FMNL2: variants seen among roughly 807,000 people sequenced by gnomAD.
The protein encoded by FMNL2 is formin-like protein 2.
A neutral mutation model predicts 130.2 loss-of-function variants in FMNL2; 51 were observed. The ratio of observed to expected loss-of-function variants is 0.39; its 90% CI spans 0.31 to 0.49. The LOEUF (loss-of-function observed/expected upper bound fraction) is 0.49, where lower values mean the gene tolerates loss of function less well. FMNL2 is among the 20% of genes least tolerant of loss of function. The pLI is 0.85. For synonymous variants in FMNL2, 465 were observed against 467.1 expected, an observed-to-expected ratio of 1.00 and a Z score of 0.06; for missense variants, 977 against 1,316.2, an observed-to-expected ratio of 0.74 and a Z score of 3.99.
chr2:152,621,361 A>G (rs1052989119), intron 15 of FMNL2, among the ~76,000 whole-genome samples: 1 of 152,222 alleles, frequency 6.6e-6, no homozygotes, highest in African/African-American at 2.4e-5. Flanking sequence ...CCAAGGGGCC[A>G]TGTCCTGTGT....
At chr2:152,476,884 T>C (rs1033731377) in intron 1 of FMNL2, among the ~76,000 whole-genome samples, 1 of 152,168 alleles carries the variant, frequency 6.6e-6, no homozygotes, top group African/African-American at 2.4e-5. Flanking sequence ...ATCTGAGAAA[T>C]AGCTCATAGG....
At chr2:152,336,414 T>C (rs1300734769) in intron 1 of FMNL2, among the ~76,000 whole-genome samples, 1 of 152,130 alleles carries the variant, frequency 6.6e-6, no homozygotes, top group Non-Finnish European at 1.5e-5. Flanking sequence ...CACAAAAATG[T>C]GGAGTTTTGC....
intron 1 of FMNL2, among the ~76,000 whole-genome samples, chr2:152,459,680 T>G (rs1367467016): frequency 6.6e-6 from 1 of 152,178 alleles, no homozygotes; most frequent in Non-Finnish European, 1.5e-5. Flanking sequence ...CTACCTATTG[T>G]AAATAAAAGA....
intron 25 of FMNL2, among the ~76,000 whole-genome samples, chr2:152,645,253 G>A (rs556705699): frequency 4.4e-4 from 67 of 152,290 alleles, no homozygotes; most frequent in African/African-American, 1.6e-3. Flanking sequence ...AGAGAGCTGG[G>A]TGGGAAGATG....
chr2:152,425,549 T>C (rs112209055), intron 1 of FMNL2, among the ~76,000 whole-genome samples: 241 of 152,368 alleles, frequency 1.6e-3, no homozygotes, highest in African/African-American at 5.6e-3. Context: ...AAATGATTGG[T>C]AGTCCTTCTA....
At chr2:152,604,855 C>T (rs540653770) in intron 9 of FMNL2, among the ~76,000 whole-genome samples, 1 of 147,620 alleles carries the variant, frequency 6.8e-6, no homozygotes, top group South Asian at 2.3e-4. Flanking sequence ...CTCGTCCTCC[C>T]AAAGTGCTGG....
At chr2:152,465,950 T>C (rs1326323449) in intron 1 of FMNL2, among the ~76,000 whole-genome samples, 1 of 152,192 alleles carries the variant, frequency 6.6e-6, no homozygotes, top group African/African-American at 2.4e-5. Context: ...CTAGAAAGGT[T>C]GCTAAGTGGA....
In FMNL2 at chr2:152,469,607, G is replaced by A. The variant is rs116458602; in HGVS notation, c.118-52336G>A. ...GCCTGTCCAGTGGTTGTCAAATTGG[G>A]GTGGAAATGCTGAACCTCCTGTGTC... On this transcript the variant is annotated intron_variant, in intron 1 of 25. Transcript: ENST00000288670. 8.8e-3 allele frequency among the ~76,000 whole-genome samples: 1,346 copies of A among 152,248 alleles called. 24 individuals are homozygous for A. Among genetic ancestry groups the A allele is most frequent in the African/African-American group, 0.03 (1,266 of 41,530 alleles).
At chr2:152,619,985 G>A (rs1336499450) in intron 15 of FMNL2, among the ~76,000 whole-genome samples, 7 of 152,142 alleles carry the variant, frequency 4.6e-5, no homozygotes, top group Admixed American at 2.0e-4. Flanking sequence ...TGGCCCCACC[G>A]AGAGAATGGA....
At chr2:152,639,218 A>G (rs1364589893) in intron 23 of FMNL2, among the ~76,000 whole-genome samples, 3 of 152,214 alleles carry the variant, frequency 2.0e-5, no homozygotes, top group Non-Finnish European at 4.4e-5. Context: ...CCTCTCATAT[A>G]GACCAAAATG....
intron 1 of FMNL2, among the ~76,000 whole-genome samples, chr2:152,466,251 G>A (rs935140716): frequency 4.6e-5 from 7 of 152,172 alleles, no homozygotes; most frequent in African/African-American, 7.2e-5. Flanking sequence ...TGCCCGCTGC[G>A]GGGGAGGACA....
chr2:152,546,497 A>T (rs1694645418), intron 3 of FMNL2, among the ~76,000 whole-genome samples: 1 of 152,066 alleles, frequency 6.6e-6, no homozygotes, highest in Admixed American at 6.6e-5. Flanking sequence ...ATCTGCCCCC[A>T]TGACCCAAAT....
intron 8 of FMNL2, 41 bp from the exon 9 acceptor site, chr2:152,580,915 A>AT (rs1558980713): frequency 6.3e-7 from 1 of 1,575,764 alleles, no homozygotes. Context: ...TCATCATGCC[A>AT]TTTTCACTGA....
chr2:152,445,027 G>A (rs13011684), intron 1 of FMNL2, among the ~76,000 whole-genome samples: 5,631 of 152,230 alleles, frequency 0.037, 289 homozygotes, highest in African/African-American at 0.11. Flanking sequence ...TTGGCACTGT[G>A]GTTTTCCATA....
At chr2:152,352,973 A>C (rs1192898729) in intron 1 of FMNL2, among the ~76,000 whole-genome samples, 1 of 152,118 alleles carries the variant, frequency 6.6e-6, no homozygotes, top group African/African-American at 2.4e-5. Context: ...TAAAAAAACA[A>C]ATGCCATGTG....
At position 152,335,506 on chromosome 2, in the gene FMNL2, C is replaced by T; in HGVS notation, c.-98C>T. On this transcript the variant is annotated 5_prime_UTR_variant, in exon 1 of 26. Coordinates refer to ENST00000288670, the MANE Select transcript of FMNL2 (RefSeq NM_052905.4). ...GCGGAGGGCGGGGAGCCGGGCAGGT[C>T]GCGCCTGCGGGCGGCAGCCGACCGC... The T allele has an allele frequency of 2.3e-6, 2 of 875,178 alleles. No individual in the cohort carries two copies. Among genetic ancestry groups the T allele is most frequent in the Non-Finnish European group, 3.3e-6 (2 of 612,184 alleles). The allele number at this position is 875,178 out of a possible 1,614,324, so 54.2% of individuals were successfully genotyped here.
At chr2:152,389,753 A>G (rs922029590) in intron 1 of FMNL2, among the ~76,000 whole-genome samples, 2 of 152,238 alleles carry the variant, frequency 1.3e-5, no homozygotes, top group African/African-American at 4.8e-5. Flanking sequence ...GGCGGCGTGC[A>G]GGAGCTTGTG....
chr2:152,479,990 C>T (rs1171895916), intron 1 of FMNL2, among the ~76,000 whole-genome samples: 1 of 151,956 alleles, frequency 6.6e-6, no homozygotes, highest in African/African-American at 2.4e-5. Flanking sequence ...ACTCGTTCGG[C>T]GGAAGAACAT....
intron 1 of FMNL2, among the ~76,000 whole-genome samples, chr2:152,401,028 T>C (rs1685665917): frequency 6.6e-6 from 1 of 152,248 alleles, no homozygotes; most frequent in Admixed American, 6.5e-5. Context: ...AAGTTACATG[T>C]AGGAAGATGT....
Sources: gnomAD v4.1 joint callset for allele counts (sites outside exome capture counted in the v4.1 genomes callset) on GRCh38, gnomAD v4.1.1 for gene constraint, MANE v1.5 for transcripts, NCBI Gene and HGNC (gene_info 2026-07-23, HGNC 2026-07-21) for gene names.